Variants in RPS25 observed in about 807,000 individuals in gnomAD.
The protein encoded by RPS25 is small ribosomal subunit protein eS25.
RPS25 carries 1 observed loss-of-function variant against 14.4 expected under a neutral mutation model. The observed-to-expected ratio is 0.07, with a 90% CI of 0.02 to 0.33. The LOEUF (loss-of-function observed/expected upper bound fraction) is 0.33. Among genes scored for constraint, RPS25 ranks in the 10% least tolerant of loss-of-function variants. RPS25 has a pLI of 1.00. For missense variants in RPS25, 65 were observed against 144.6 expected, an observed-to-expected ratio of 0.45 and a Z score of 2.82; for synonymous variants, 63 against 53.8, an observed-to-expected ratio of 1.17 and a Z score of -0.75.
In RPS25 at chr11:119,017,713, CAG is replaced by C. The variant is rs151088363; in HGVS notation, c.100-170_100-169del. 1,694 of 734,982 alleles carry C rather than the reference CAG, an allele frequency of 2.3e-3. 15 individuals are homozygous for C. The highest frequency in any genetic ancestry group is 0.02 in the East Asian group (741 of 36,900). The allele number at this position is 734,982 out of a possible 1,614,324, so 45.5% of individuals were successfully genotyped here. On this transcript the variant is annotated intron_variant, in intron 2 of 4. Coordinates refer to ENST00000527673, the MANE Select transcript of RPS25 (RefSeq NM_001028.3). The stretch of plus-strand genomic sequence containing the variant: ...CACCGACACGTTTTTGGCCTTCAAA[CAG>C]GGGCCGAGCCCCACTAGATCAGTTA...
intron 3 of RPS25, among the ~76,000 whole-genome samples, chr11:119,016,190 A>G (rs1943151443): frequency 1.3e-5 from 2 of 152,174 alleles, no homozygotes; most frequent in Admixed American, 1.3e-4. Context: ...TGGGAAGCTG[A>G]GGTGAGGACC....
At chr11:119,017,623 G>A (rs1592090952) in intron 2 of RPS25, 78 bp from the exon 3 acceptor site, 2 of 1,251,586 alleles carry the variant, frequency 1.6e-6, no homozygotes, top group East Asian at 2.3e-5. Context: ...ATCTGCGTCA[G>A]AGAAATCTGT....
intron 2 of RPS25, 152 bp from the exon 3 acceptor site, chr11:119,017,697 G>T (rs2134591640): frequency 1.2e-6 from 1 of 806,290 alleles, no homozygotes; most frequent in South Asian, 1.9e-5. Context: ...ACACCGACAC[G>T]TTTTTGGCCT....
At position 119,018,296 on chromosome 11, in the gene RPS25, G is replaced by A. The variant is rs782036157; in HGVS notation, c.-12C>T. 4 of 1,614,156 alleles carry A rather than the reference G, an allele frequency of 2.5e-6. No individual in the cohort carries two copies. The highest frequency in any genetic ancestry group is 1.7e-4 in the Middle Eastern group (1 of 6,058). The stretch of plus-strand genomic sequence containing the variant: ...CTGAAGCTTACCATTGCGAAGCTCG[G>A]AGAATAGCAGCAGACACCGCAGCCT... On this transcript the variant is annotated 5_prime_UTR_variant, in exon 1 of 5. Coordinates refer to ENST00000527673, the MANE Select transcript of RPS25 (RefSeq NM_001028.3).
At chr11:119,018,153 T>A (rs1056959361) in intron 1 of RPS25, 100 bp from the exon 2 acceptor site, 3 of 1,563,214 alleles carry the variant, frequency 1.9e-6, no homozygotes, top group Non-Finnish European at 1.8e-6. Flanking sequence ...CCAGAGCACA[T>A]GGGCCAAGCA....
At chr11:119,016,914 T>C (rs1490573227) in intron 3 of RPS25, among the ~76,000 whole-genome samples, 2 of 152,104 alleles carry the variant, frequency 1.3e-5, no homozygotes, top group South Asian at 2.1e-4. Context: ...TCAGTCACTA[T>C]AGTTAGCTGA....
chr11:119,015,784 G>C lies in RPS25; in HGVS notation c.*5-26C>G. The C allele has an allele frequency of 3.0e-6, 4 of 1,349,392 alleles. No individual in the cohort carries two copies. In the Admixed American group the frequency reaches 7.5e-5, roughly 25 times the overall value. The allele number at this position is 1,349,392 out of a possible 1,614,324, so 83.6% of individuals were successfully genotyped here. A position where few individuals can be genotyped will look rare whatever the true frequency, so the allele number is the denominator to read the frequency against. On this transcript the variant is annotated intron_variant, in intron 4 of 4. Transcript: ENST00000527673. ...CTGTAAAAAAAAATTAAAAGAATCA[G>C]AACCATAAAGCTTTGTATCTACCTC...
At chr11:119,018,261 C>T (rs782585749) in intron 1 of RPS25, 21 bp downstream of exon 1, 82 of 1,614,034 alleles carry the variant, frequency 5.1e-5, no homozygotes, top group Non-Finnish European at 6.6e-5. Context: ...ACGCCGGCGA[C>T]TTCACACCCC....
rs942052561 is a variant in RPS25 at position 119,018,116 on chromosome 11, C to A, written c.4-63G>T. 35 of 1,564,614 alleles carry A rather than the reference C, an allele frequency of 2.2e-5. No homozygotes were observed. In the African/African-American group the frequency reaches 3.5e-4, roughly 16 times the overall value. On this transcript the variant is annotated intron_variant, in intron 1 of 4. Transcript: ENST00000527673. ...ATAGCGCCAAAGTCCCCTAATACTG[C>A]GCCCTCAGCCCCCGCAAACTCCACC...
intron 3 of RPS25, among the ~76,000 whole-genome samples, chr11:119,016,910 A>C (rs1943174464): frequency 6.6e-6 from 1 of 152,106 alleles, no homozygotes; most frequent in African/African-American, 2.4e-5. Context: ...ACGTTCAGTC[A>C]CTATAGTTAG....
At chr11:119,018,152 A>C in intron 1 of RPS25, 99 bp from the exon 2 acceptor site, 1 of 1,563,350 alleles carries the variant, frequency 6.4e-7, no homozygotes, top group Non-Finnish European at 8.8e-7. Context: ...ACCAGAGCAC[A>C]TGGGCCAAGC....
intron 4 of RPS25, 37 bp downstream of exon 4, chr11:119,015,804 T>C: frequency 7.1e-7 from 1 of 1,404,632 alleles, no homozygotes; most frequent in Non-Finnish European, 1.0e-6. Flanking sequence ...GCTTTGTATC[T>C]ACCTCCTACA....
Position 119,018,273 on chromosome 11 carries a change from G to A in RPS25, c.3+9C>T, listed in dbSNP as rs549552503. ...AGAACGCCGGCGACTTCACACCCCT[G>A]AAGCTTACCATTGCGAAGCTCGGAG... is the stretch of plus-strand genomic sequence containing the variant. On this transcript the variant is annotated intron_variant, in intron 1 of 4. Coordinates refer to ENST00000527673, the MANE Select transcript of RPS25 (RefSeq NM_001028.3). 1 of 1,614,104 alleles carries A rather than the reference G, an allele frequency of 6.2e-7. No individual in the cohort carries two copies. The highest frequency in any genetic ancestry group is 1.3e-5 in the African/African-American group (1 of 75,054).
At chr11:119,016,997 A>G (rs1460972352) in intron 3 of RPS25, among the ~76,000 whole-genome samples, 2 of 152,238 alleles carry the variant, frequency 1.3e-5, no homozygotes, top group Non-Finnish European at 2.9e-5. Flanking sequence ...TGGTTTTAAA[A>G]TTTAATACAT....
chr11:119,017,523 C>T lies in RPS25; in HGVS notation c.122G>A (p.Arg41Gln). 6.2e-7 allele frequency: 1 copy of T among 1,613,970 alleles called. No homozygotes were observed. The highest frequency in any genetic ancestry group is 8.5e-7 in the Non-Finnish European group (1 of 1,179,942). The stretch of plus-strand genomic sequence containing the variant: ...CAAGACTAAGTTATTGAGCTTGTCC[C>T]GAACTTTGCCTTTGGACCACTTCTG... ...KKKKWSKGKV[R>Q]DKLNNLVLFD... Residue 41 changes from arginine to glutamine, a missense_variant, in exon 3 of 5, where the codon CGG becomes CAG. Coordinates refer to ENST00000527673, the MANE Select transcript of RPS25 (RefSeq NM_001028.3).
At chr11:119,017,135 T>A (rs894610955) in intron 3 of RPS25, among the ~76,000 whole-genome samples, 3 of 152,204 alleles carry the variant, frequency 2.0e-5, no homozygotes, top group Non-Finnish European at 4.4e-5. Context: ...AAAAGATCCT[T>A]GGGCTTCACT....
rs782359276 is a variant in RPS25 at position 119,015,942 on chromosome 11, A to AG, written c.284-4dup. On this transcript the variant is annotated splice_polypyrimidine_tract_variant and splice_region_variant and intron_variant, in intron 3 of 4. Transcript: ENST00000527673. The stretch of plus-strand genomic sequence containing the variant: ...CTTTGAAACCAGTTTGATAAGTCCT[A>AG]GGGGGAGAGAATAGCACGATGAGAT... 6 of 1,565,422 alleles carry AG rather than the reference A, an allele frequency of 3.8e-6. No individual in the cohort carries two copies. Among genetic ancestry groups the AG allele is most frequent in the Non-Finnish European group, 5.3e-6 (6 of 1,136,078 alleles).
At chr11:119,015,976 G>C (rs552149642) in intron 3 of RPS25, 37 bp from the exon 4 acceptor site, 1 of 1,273,370 alleles carries the variant, frequency 7.9e-7, no homozygotes, top group Middle Eastern at 1.8e-4. Flanking sequence ...ATGCTTAACA[G>C]ATGCTACAAT....
intron 3 of RPS25, among the ~76,000 whole-genome samples, 182 bp downstream of exon 3, chr11:119,017,180 A>G (rs1184174051): frequency 6.6e-6 from 1 of 152,224 alleles, no homozygotes; most frequent in Non-Finnish European, 1.5e-5. Context: ...AAAAGTGGCT[A>G]AGAACCCTGA....
Sources: gnomAD v4.1 joint callset for allele counts (sites outside exome capture counted in the v4.1 genomes callset) on GRCh38, gnomAD v4.1.1 for gene constraint, MANE v1.5 for transcripts, NCBI Gene and HGNC (gene_info 2026-07-23, HGNC 2026-07-21) for gene names.